Variants in DCDC1 observed in about 807,000 individuals in gnomAD.
DCDC1 encodes doublecortin domain containing 1, also known as doublecortin domain-containing protein 1.
DCDC1 carries 200 observed loss-of-function variants against 178.3 expected under a neutral mutation model. That is an observed-to-expected ratio of 1.12 (90% CI 1.00 to 1.26). The LOEUF is 1.26. Ranked by LOEUF, DCDC1 falls within the 50% of genes most tolerant of loss-of-function variation. The pLI is 0.00. For missense variants in DCDC1, 1,983 were observed against 1,749.2 expected, an observed-to-expected ratio of 1.13 and a Z score of -2.38; for synonymous variants, 690 against 604.8, an observed-to-expected ratio of 1.14 and a Z score of -2.07.
At chr11:31,315,036 G>A (rs1948990586) in intron 3 of DCDC1, among the ~76,000 whole-genome samples, 6 of 152,022 alleles carry the variant, frequency 3.9e-5, no homozygotes, top group Admixed American at 3.9e-4. Context: ...TCTTAGGAAG[G>A]AGTACAGAAA....
intron 20 of DCDC1, among the ~76,000 whole-genome samples, chr11:31,007,401 TC>T (rs982843982): frequency 6.6e-6 from 1 of 152,210 alleles, no homozygotes; most frequent in African/African-American, 2.4e-5. Flanking sequence ...GAGTGAGGAT[TC>T]CTAACATTTC....
At chr11:30,896,687 T>G (rs1944243753) in intron 34 of DCDC1, among the ~76,000 whole-genome samples, 1 of 152,198 alleles carries the variant, frequency 6.6e-6, no homozygotes, top group Non-Finnish European at 1.5e-5. Context: ...ATTTATCAGT[T>G]TTATAACCCC....
chr11:31,036,211 T>C (rs779127640), intron 20 of DCDC1, among the ~76,000 whole-genome samples: 1 of 152,222 alleles, frequency 6.6e-6, no homozygotes, highest in Non-Finnish European at 1.5e-5. Flanking sequence ...TGGCAAGAGA[T>C]AGGCATTTGT....
intron 9 of DCDC1, among the ~76,000 whole-genome samples, chr11:31,221,338 C>G (rs528935129): frequency 2.8e-4 from 43 of 152,272 alleles, no homozygotes; most frequent in Non-Finnish European, 5.9e-4. Flanking sequence ...CAATAATGGA[C>G]AGGCATAGGA....
chr11:30,922,608 T>C lies in DCDC1; in HGVS notation c.3028A>G (p.Asn1010Asp), dbSNP rs753316178. The change falls in exon 24 of 39, where the codon AAT becomes GAT. Residue 1010 changes from asparagine to aspartate, a missense_variant. Transcript: ENST00000684477. ...TGCTGAGCAATGGACAGGTCAGGAT[T>C]GATCCAGAGTTCTCCACATGAAACA... is the stretch of plus-strand genomic sequence containing the variant. ...VYVSCGELWI[N>D]PDLSIAQQKK... 5.1e-6 allele frequency: 8 copies of C among 1,569,478 alleles called. No homozygotes were observed. The Admixed American group carries it at 6.1e-5, about 12-fold the overall frequency.
At chr11:30,995,209 G>A (rs903398684) in intron 20 of DCDC1, among the ~76,000 whole-genome samples, 1 of 152,026 alleles carries the variant, frequency 6.6e-6, no homozygotes, top group Non-Finnish European at 1.5e-5. Flanking sequence ...TTTTTAAAAT[G>A]TGTGCAGTAT....
chr11:31,366,287 T>A (rs1951953767), intron 1 of DCDC1, among the ~76,000 whole-genome samples: 1 of 152,178 alleles, frequency 6.6e-6, no homozygotes, highest in Non-Finnish European at 1.5e-5. Context: ...TAAATTGCCT[T>A]TTAAATATAA....
chr11:30,902,264 G>A (rs931450501), intron 32 of DCDC1, among the ~76,000 whole-genome samples: 3 of 152,048 alleles, frequency 2.0e-5, no homozygotes, highest in Admixed American at 6.6e-5. Context: ...ACACAGTGCT[G>A]GGCTCCTTTG....
intron 9 of DCDC1, among the ~76,000 whole-genome samples, chr11:31,141,203 T>C (rs929000937): frequency 6.6e-6 from 1 of 152,190 alleles, no homozygotes; most frequent in Non-Finnish European, 1.5e-5. Flanking sequence ...AATTTTAACA[T>C]GTTAAGATCT....
chr11:31,024,491 T>C (rs1953091749), intron 20 of DCDC1, among the ~76,000 whole-genome samples: 3 of 151,998 alleles, frequency 2.0e-5, no homozygotes, highest in Admixed American at 2.0e-4. Context: ...GGAAATTATA[T>C]GTGATATTGT....
chr11:31,354,934 T>C (rs1951256383), intron 1 of DCDC1, among the ~76,000 whole-genome samples: 1 of 152,120 alleles, frequency 6.6e-6, no homozygotes, highest in African/African-American at 2.4e-5. Flanking sequence ...CCCTCAACTT[T>C]TGACCTTTTT....
intron 1 of DCDC1, among the ~76,000 whole-genome samples, chr11:31,358,368 G>A (rs1355182376): frequency 6.6e-6 from 1 of 152,054 alleles, no homozygotes; most frequent in Non-Finnish European, 1.5e-5. Context: ...ATGGTGCTGG[G>A]AAAACTGGCT....
intron 20 of DCDC1, among the ~76,000 whole-genome samples, chr11:30,973,270 T>C (rs1949913236): frequency 2.1e-5 from 2 of 95,110 alleles, no homozygotes; most frequent in African/African-American, 4.1e-5. Flanking sequence ...TGAGACTCCA[T>C]CTCAAAAAAA....
chr11:31,286,898 T>C (rs1159297303), intron 7 of DCDC1, among the ~76,000 whole-genome samples: 2 of 152,070 alleles, frequency 1.3e-5, no homozygotes, highest in Non-Finnish European at 2.9e-5. Context: ...ATCTACATAT[T>C]GAAAGTGAAA....
chr11:31,225,380 G>A (rs374442388), intron 9 of DCDC1, among the ~76,000 whole-genome samples: 1 of 148,972 alleles, frequency 6.7e-6, no homozygotes, highest in African/African-American at 2.5e-5. Context: ...GGAAAGTTGG[G>A]GGGGAGTGAA....
chr11:31,329,734 C>T (rs572197782), intron 2 of DCDC1, among the ~76,000 whole-genome samples: 2 of 152,114 alleles, frequency 1.3e-5, no homozygotes, highest in East Asian at 3.9e-4. Flanking sequence ...TGAACTCATC[C>T]TTTTTTATGG....
At chr11:31,341,820 CACACA>C (rs1950563981) in intron 1 of DCDC1, among the ~76,000 whole-genome samples, 1 of 151,508 alleles carries the variant, frequency 6.6e-6, no homozygotes, top group Non-Finnish European at 1.5e-5. Flanking sequence ...TATACACACA[CACACA>C]CACACACACA....
rs763930186 is a variant in DCDC1, at chr11:30,920,839, T to C, written c.3230A>G (p.Glu1077Gly). ...TTCTTGCATTTGCTTTTCTTCCGGT[T>C]CTGTAACTTGCTTCTCTTCTCCAAA... is the stretch of plus-strand genomic sequence containing the variant. The part of the protein sequence containing the change: ...AIFGEEKQVT[E>G]PEEKQMQEDP... The change falls in exon 25 of 39, where the codon GAA (glutamate) becomes GGA (glycine). Residue 1077 changes from glutamate to glycine, a missense_variant. Glu to Gly is a moderately conservative substitution (Grantham distance 98, BLOSUM62 -2). Transcript: ENST00000684477. 15 of 1,613,618 alleles carry C rather than the reference T, an allele frequency of 9.3e-6. No homozygotes were observed. In the South Asian group the frequency reaches 1.4e-4, roughly 15 times the overall value.
At chr11:30,968,711 T>TTATATTTATATATATATATATATATA (rs1949596880) in intron 20 of DCDC1, among the ~76,000 whole-genome samples, 5 of 61,058 alleles carry the variant, frequency 8.2e-5, no homozygotes, top group African/African-American at 3.9e-4. Context: ...ATATATCAAA[T>TTATATTTATATATATATATATATATA]TATATATATA....
Sources: gnomAD v4.1 joint callset for allele counts (sites outside exome capture counted in the v4.1 genomes callset) on GRCh38, gnomAD v4.1.1 for gene constraint, MANE v1.5 for transcripts, NCBI Gene and HGNC (gene_info 2026-07-23, HGNC 2026-07-21) for gene names.